The following NRXN1 variants were observed in gnomAD, a reference collection of about 807,000 sequenced individuals.
NRXN1 encodes the protein neurexin 1.
Under a neutral mutation model 150.9 loss-of-function variants are expected in NRXN1, and 39 were observed. The ratio of observed to expected loss-of-function variants is 0.26; its 90% CI spans 0.20 to 0.34. The LOEUF (loss-of-function observed/expected upper bound fraction) is 0.34. Among genes scored for constraint, NRXN1 ranks in the 10% least tolerant of loss-of-function variants. The probability of loss-of-function intolerance (pLI) is 1.00; values close to 1 mark genes in which losing one functional copy is unlikely to be tolerated. For missense variants in NRXN1, 1,815 were observed against 1,949.9 expected (o/e 0.93, Z 1.30); for synonymous variants, 924 against 757.0 (o/e 1.22, Z -3.62).
chr2:50,945,811 G>A (rs1441999571), intron 2 of NRXN1, among the ~76,000 whole-genome samples: 1 of 149,880 alleles, frequency 6.7e-6, no homozygotes, highest in East Asian at 1.9e-4. Flanking sequence ...ATGACAGACT[G>A]AATTTACCAC....
At chr2:51,005,742 C>A (rs1700631460) in intron 2 of NRXN1, among the ~76,000 whole-genome samples, 1 of 151,746 alleles carries the variant, frequency 6.6e-6, no homozygotes, top group Non-Finnish European at 1.5e-5. Flanking sequence ...TACAAAATAA[C>A]CATAAAACAA....
At chr2:50,993,966 C>G (rs1460191275) in intron 2 of NRXN1, among the ~76,000 whole-genome samples, 1 of 151,996 alleles carries the variant, frequency 6.6e-6, no homozygotes, top group Non-Finnish European at 1.5e-5. Flanking sequence ...TCTAATTCAT[C>G]TTTCCAGAAC....
intron 5 of NRXN1, among the ~76,000 whole-genome samples, chr2:50,698,081 A>G (rs1273905506): frequency 6.6e-6 from 1 of 152,230 alleles, no homozygotes; most frequent in Non-Finnish European, 1.5e-5. Context: ...GTTTCACTTT[A>G]GAATCCTCCT....
intron 21 of NRXN1, among the ~76,000 whole-genome samples, chr2:49,998,808 T>A (rs1485650977): frequency 6.6e-6 from 1 of 152,116 alleles, no homozygotes; most frequent in Non-Finnish European, 1.5e-5. Flanking sequence ...GTGCTTTTTG[T>A]TTTTTCATTT....
intron 5 of NRXN1, among the ~76,000 whole-genome samples, chr2:50,866,315 A>T (rs1477841265): frequency 6.6e-6 from 1 of 151,970 alleles, no homozygotes; most frequent in East Asian, 1.9e-4. Flanking sequence ...TCCATTCTCA[A>T]AATGAAATAA....
At chr2:50,357,620 A>G (rs552027785) in intron 17 of NRXN1, among the ~76,000 whole-genome samples, 53 of 152,114 alleles carry the variant, frequency 3.5e-4, no homozygotes, top group Middle Eastern at 6.8e-3. Flanking sequence ...ATTTTTATTT[A>G]TTTATGTGCT....
intron 5 of NRXN1, among the ~76,000 whole-genome samples, chr2:50,738,245 T>A (rs1699005541): frequency 6.6e-6 from 1 of 152,182 alleles, no homozygotes; most frequent in Admixed American, 6.5e-5. Flanking sequence ...CTGGGCAAAT[T>A]TTCTCATTAA....
chr2:50,453,757 G>A (rs1432051140), intron 17 of NRXN1, among the ~76,000 whole-genome samples: 1 of 151,964 alleles, frequency 6.6e-6, no homozygotes, highest in Admixed American at 6.6e-5. Flanking sequence ...AATTCTTCAG[G>A]GACACTGGAG....
intron 5 of NRXN1, among the ~76,000 whole-genome samples, chr2:50,744,541 C>T (rs570359080): frequency 3.9e-4 from 60 of 152,062 alleles, no homozygotes; most frequent in African/African-American, 6.0e-4. Flanking sequence ...TTTTCATATG[C>T]GGGTATATGG....
At chr2:50,887,354 G>A (rs1188956739) in intron 5 of NRXN1, among the ~76,000 whole-genome samples, 6 of 151,500 alleles carry the variant, frequency 4.0e-5, no homozygotes, top group South Asian at 4.2e-4. Flanking sequence ...TTTCAGATAC[G>A]TACTAGGCTA....
intron 17 of NRXN1, among the ~76,000 whole-genome samples, chr2:50,390,426 G>A (rs2081610802): frequency 6.6e-6 from 1 of 152,110 alleles, no homozygotes; most frequent in African/African-American, 2.4e-5. Context: ...ACTTATTCCT[G>A]AGAGCAACTA....
intron 18 of NRXN1, among the ~76,000 whole-genome samples, chr2:50,093,920 C>T (rs1285024999): frequency 6.6e-6 from 1 of 152,146 alleles, no homozygotes; most frequent in Non-Finnish European, 1.5e-5. Flanking sequence ...TTACACCAGG[C>T]TGAGTTTAGG....
At chr2:50,626,547 A>C (rs1363762900) in intron 5 of NRXN1, among the ~76,000 whole-genome samples, 1 of 151,990 alleles carries the variant, frequency 6.6e-6, no homozygotes, top group Non-Finnish European at 1.5e-5. Context: ...AATAAAGGTT[A>C]CTGGGACAAT....
intron 12 of NRXN1, among the ~76,000 whole-genome samples, chr2:50,526,378 C>T (rs1478429204): frequency 1.3e-5 from 2 of 152,088 alleles, no homozygotes; most frequent in South Asian, 2.1e-4. Context: ...ATGGTGTTAT[C>T]GGCTGTGATT....
chr2:50,921,866 T>TA lies in NRXN1; in HGVS notation c.832+2dup, dbSNP rs1344399066. On this transcript the variant is annotated splice_region_variant and intron_variant, in intron 5 of 22. Coordinates refer to ENST00000401669, the MANE Select transcript of NRXN1 (RefSeq NM_001330078.2). ...ATTAAGAAGAAATAAAATAATGTAA[T>TA]ACCTTTACTTTTACCTATGGATTTG... 2.2e-6 allele frequency: 3 copies of TA among 1,370,088 alleles called. No individual in the cohort carries two copies. In the African/African-American group the frequency reaches 4.5e-5, roughly 21 times the overall value. 84.9% of individuals were successfully genotyped at this position (1,370,088 alleles called of 1,614,324 possible).
At chr2:50,307,353 A>C (rs1378880867) in intron 17 of NRXN1, among the ~76,000 whole-genome samples, 1 of 152,110 alleles carries the variant, frequency 6.6e-6, no homozygotes, top group Admixed American at 6.6e-5. Flanking sequence ...TCAAATTAGG[A>C]AGGATCAAGA....
At chr2:50,835,723 C>T (rs1447505029) in intron 5 of NRXN1, among the ~76,000 whole-genome samples, 2 of 151,990 alleles carry the variant, frequency 1.3e-5, no homozygotes, top group Non-Finnish European at 2.9e-5. Flanking sequence ...TCAACATAAT[C>T]ACATTTATTT....
chr2:49,972,478 G>C (rs899227538), intron 21 of NRXN1, among the ~76,000 whole-genome samples: 1 of 152,142 alleles, frequency 6.6e-6, no homozygotes, highest in East Asian at 1.9e-4. Context: ...ACTTATTTAG[G>C]GAAAAATTTG....
intron 16 of NRXN1, 29 bp from the exon 17 acceptor site, chr2:50,465,590 T>A: frequency 6.4e-7 from 1 of 1,574,150 alleles, no homozygotes; most frequent in East Asian, 2.3e-5. Flanking sequence ...GAAACTTGGG[T>A]TCTTTAAAAG....
Sources: allele counts gnomAD v4.1 joint callset (sites outside exome capture counted in the v4.1 genomes callset), GRCh38; gene constraint gnomAD v4.1.1; transcripts MANE v1.5; gene names NCBI Gene and HGNC (gene_info 2026-07-23, HGNC 2026-07-21).